MAPKBP1: variants seen among roughly 807,000 people sequenced by gnomAD.
MAPKBP1 encodes the protein mitogen-activated protein kinase-binding protein 1.
MAPKBP1 carries 71 observed loss-of-function variants against 170.5 expected under a neutral mutation model. The ratio of observed to expected loss-of-function variants is 0.42; its 90% CI spans 0.34 to 0.51. MAPKBP1 has a LOEUF of 0.51. Ranked by LOEUF, MAPKBP1 falls within the 20% of genes least tolerant of loss-of-function variation. The pLI is 0.06. For synonymous variants in MAPKBP1, 719 were observed against 757.9 expected (o/e 0.95, Z 0.84); for missense variants, 1,598 against 1,933.0 (o/e 0.83, Z 3.25).
chr15:41,774,795 C>G (rs1336910526), intron 1 of MAPKBP1, 185 bp downstream of exon 1: 3 of 399,372 alleles, frequency 7.5e-6, no homozygotes, highest in African/African-American at 6.2e-5. Flanking sequence ...TCCCCGCCGG[C>G]GCTAGCGCAG....
At chr15:41,811,818 T>C in intron 5 of MAPKBP1, 139 bp from the exon 6 acceptor site, 5 of 816,090 alleles carry the variant, frequency 6.1e-6, no homozygotes, top group Non-Finnish European at 1.0e-5. Context: ...ATTTCCTCTA[T>C]ACCCTGCCCT....
In MAPKBP1 at chr15:41,811,107, G is replaced by A. The variant is rs143043620; in HGVS notation, c.270-71G>A. 6.3e-3 allele frequency: 9,990 copies of A among 1,587,958 alleles called. 36 individuals carry two copies. The highest frequency in any genetic ancestry group is 7.5e-3 in the Non-Finnish European group (8,646 of 1,156,786). On this transcript the variant is annotated intron_variant, in intron 4 of 30. Transcript: ENST00000457542. ...TTGGTGTCTGCTGGTCTCACCTTTT[G>A]AGAGGCTGGGAGGGGGCTAGGCTTA...
intron 9 of MAPKBP1, among the ~76,000 whole-genome samples, chr15:41,814,141 A>G (rs1250425304): frequency 6.6e-6 from 1 of 152,210 alleles, no homozygotes; most frequent in Non-Finnish European, 1.5e-5. Context: ...AGGTGAAGGA[A>G]AGGTATGGGG....
chr15:41,780,980 T>G (rs1031478680), intron 2 of MAPKBP1, among the ~76,000 whole-genome samples: 2 of 152,188 alleles, frequency 1.3e-5, no homozygotes, highest in Non-Finnish European at 2.9e-5. Context: ...AGAATGAGTT[T>G]ACAGTATGGA....
In MAPKBP1 at chr15:41,816,912, C is replaced by A; in HGVS notation, c.1588C>A (p.Leu530Met). ...CLEYSKPDTGLKLLASASRDR... is the reference protein window; with the variant it reads ...CLEYSKPDTGMKLLASASRDR... ...TGATGGAGTTCTTTCATCCCCAGGT[C>A]TGAAACTGCTAGCATCGGCGAGCCG... The change falls in exon 14 of 31, where the codon CTG (leucine) becomes ATG (methionine). Residue 530 changes from leucine to methionine, a missense_variant and splice_region_variant. Physicochemically the swap from Leu to Met is conservative, Grantham distance 15. Around this residue, in one of 6 missense-constraint regions of MAPKBP1, gnomAD observed 430 missense variants for 617.2 expected, o/e 0.70. Transcript: ENST00000457542. 1 of 1,605,634 alleles carries A rather than the reference C, an allele frequency of 6.2e-7. No homozygotes were observed. Among genetic ancestry groups the A allele is most frequent in the Non-Finnish European group, 8.5e-7 (1 of 1,174,888 alleles).
At position 41,823,120 on chromosome 15, in the gene MAPKBP1, C is replaced by T. The variant is rs139703191; in HGVS notation, c.3496C>T (p.Arg1166Cys). The stretch of plus-strand genomic sequence containing the variant: ...AGCCTCTGTGCTGTTGCCACGATGC[C>T]GTCTCAACCCTGACAGCAGCTGGGC... ...QAASVLLPRC[R>C]LNPDSSWAPK... The change falls in exon 28 of 31, where the codon CGT becomes TGT. Residue 1166 changes from arginine to cysteine, a missense_variant. Physicochemically the swap from Arg to Cys is radical, Grantham distance 180. This residue lies in a region of MAPKBP1 where 942 missense variants were observed against 953.2 expected (regional missense o/e 0.99). Coordinates refer to ENST00000457542, the MANE Select transcript of MAPKBP1 (RefSeq NM_014994.3). 19 of 1,613,742 alleles carry T rather than the reference C, an allele frequency of 1.2e-5. No homozygotes were observed. The highest frequency in any genetic ancestry group is 1.6e-4 in the Middle Eastern group (1 of 6,062).
rs2064559720 is a variant in MAPKBP1 at position 41,799,893 on chromosome 15, G to T, written c.185G>T (p.Gly62Val). 1 of 1,614,038 alleles carries T rather than the reference G, an allele frequency of 6.2e-7. No homozygotes were observed. The highest frequency in any genetic ancestry group is 8.5e-7 in the Non-Finnish European group (1 of 1,180,020). ...GRGLACDPRS[G>V]LVAYPAGCVV... ...GGACTTGCCTGTGACCCCCGATCAG[G>T]TTTAGTTGCTTACCCAGCAGGGTAA... is the stretch of plus-strand genomic sequence containing the variant. The change falls in exon 3 of 31, where the codon GGT becomes GTT. Residue 62 changes from glycine (G) to valine (V), a missense_variant. Gly to Val is a moderately radical substitution (Grantham distance 109). Transcript: ENST00000457542.
intron 2 of MAPKBP1, among the ~76,000 whole-genome samples, chr15:41,790,370 T>C (rs998829572): frequency 1.1e-4 from 17 of 152,216 alleles, no homozygotes; most frequent in African/African-American, 3.9e-4. Flanking sequence ...AATCTTGCAG[T>C]CAGGGGAAGT....
chr15:41,813,994 T>C (rs1481566482), intron 9 of MAPKBP1, among the ~76,000 whole-genome samples: 1 of 152,096 alleles, frequency 6.6e-6, no homozygotes, highest in Non-Finnish European at 1.5e-5. Flanking sequence ...AGTAAGTGGG[T>C]GTTAGGAGGG....
chr15:41,778,883 T>G (rs1293759723), intron 2 of MAPKBP1, among the ~76,000 whole-genome samples: 1 of 152,226 alleles, frequency 6.6e-6, no homozygotes, highest in Non-Finnish European at 1.5e-5. Flanking sequence ...TTGCTAGATT[T>G]TTAAAAAGTA....
At position 41,817,107 on chromosome 15, in the gene MAPKBP1, G is replaced by A; in HGVS notation, c.1711+72G>A. ...TGCCATCTGCCTCCCACCTCCATGAGAAGGGTCTGCCCATTGTGGGGGAGT... is the reference window on the plus strand; with the variant it reads ...TGCCATCTGCCTCCCACCTCCATGAAAAGGGTCTGCCCATTGTGGGGGAGT... On this transcript the variant is annotated intron_variant, in intron 14 of 30. Transcript: ENST00000457542. The surrounding 1 kb of genome is among the most constrained non-coding windows in gnomAD (Gnocchi z 4.2). The A allele has an allele frequency of 6.5e-7, 1 of 1,529,106 alleles. No individual in the cohort carries two copies. Among genetic ancestry groups the A allele is most frequent in the Non-Finnish European group, 8.8e-7 (1 of 1,136,064 alleles). The allele number at this position is 1,529,106 out of a possible 1,614,324, so 94.7% of individuals were successfully genotyped here.
chr15:41,818,615 T>A lies in MAPKBP1; in HGVS notation c.2156+33T>A. 1 of 1,586,998 alleles carries A rather than the reference T, an allele frequency of 6.3e-7. No individual in the cohort carries two copies. Among genetic ancestry groups the A allele is most frequent in the South Asian group, 1.1e-5 (1 of 88,966 alleles). The stretch of plus-strand genomic sequence containing the variant: ...GAAGCCAGCTTCCCTGAGAGGCAGA[T>A]TCTTACTCTGCCACAGCACCCTGCC... On this transcript the variant is annotated intron_variant, in intron 19 of 30. Coordinates refer to ENST00000457542, the MANE Select transcript of MAPKBP1 (RefSeq NM_014994.3). This position sits in a 1 kb window ranked among gnomAD's most constrained non-coding sequence, Gnocchi z 5.2.
intron 2 of MAPKBP1, among the ~76,000 whole-genome samples, chr15:41,786,640 C>T (rs539898488): frequency 6.7e-6 from 1 of 149,642 alleles, no homozygotes; most frequent in Non-Finnish European, 1.5e-5. Context: ...TGGCGGGTGC[C>T]CGTAGTCCCA....
intron 3 of MAPKBP1, among the ~76,000 whole-genome samples, chr15:41,805,279 G>A (rs571512234): frequency 6.6e-6 from 1 of 152,326 alleles, no homozygotes; most frequent in South Asian, 2.1e-4. Context: ...CCCACGGGAA[G>A]CCCCCCTACT....
At position 41,822,072 on chromosome 15, in the gene MAPKBP1, G is replaced by A. The variant is rs761826266; in HGVS notation, c.2993G>A (p.Ser998Asn). The A allele has an allele frequency of 3.1e-6, 5 of 1,603,584 alleles. No homozygotes were observed. The highest frequency in any genetic ancestry group is 3.4e-5 in the Admixed American group (2 of 59,374). The stretch of plus-strand genomic sequence containing the variant: ...GACAGTGCCTGCTCTGTGGATTACA[G>A]CAGCAGCTGCCTTTCCAGCCCGGAG... ...SPDSACSVDY[S>N]SSCLSSPEHP... The change falls in exon 25 of 31, where the codon AGC (serine) becomes AAC (asparagine). Residue 998 changes from serine (S) to asparagine (N), a missense_variant. Ser to Asn is a conservative substitution (Grantham distance 46). Around this residue, in one of 6 missense-constraint regions of MAPKBP1, gnomAD observed 942 missense variants for 953.2 expected, o/e 0.99. Transcript: ENST00000457542.
At position 41,819,762 on chromosome 15, in the gene MAPKBP1, G is replaced by A; in HGVS notation, c.2481+112G>A. 6.3e-6 allele frequency: 7 copies of A among 1,103,496 alleles called. No individual in the cohort carries two copies. The South Asian group carries it at 8.7e-5, about 14-fold the overall frequency. The allele number at this position is 1,103,496 out of a possible 1,614,324, so 68.4% of individuals were successfully genotyped here. ...ACTGGGGCATGGGGTCTGCCCACAT[G>A]CTGCACTCGTGTGTCCAAGGAAGGC... On this transcript the variant is annotated intron_variant, in intron 22 of 30. Coordinates refer to ENST00000457542, the MANE Select transcript of MAPKBP1 (RefSeq NM_014994.3).
rs2064878423 is a variant in MAPKBP1, at chr15:41,815,665, C to T, written c.1359C>T (p.Ala453=). 6.2e-7 allele frequency: 1 copy of T among 1,614,060 alleles called. No individual in the cohort carries two copies. Among genetic ancestry groups the T allele is most frequent in the Non-Finnish European group, 8.5e-7 (1 of 1,179,972 alleles). Residue 453 remains alanine, a synonymous_variant, in exon 12 of 31, where the codon GCC becomes GCT. Coordinates refer to ENST00000457542, the MANE Select transcript of MAPKBP1 (RefSeq NM_014994.3). ...KIIYVDGNTQ[A]LLDTELPGGD... ...TCTATGTGGATGGGAACACCCAGGC[C>T]CTGCTGGACACAGAGCTGCCTGGAG... is the stretch of plus-strand genomic sequence containing the variant.
intron 10 of MAPKBP1, 134 bp from the exon 11 acceptor site, chr15:41,815,125 G>A: frequency 2.0e-6 from 2 of 1,006,972 alleles, no homozygotes; most frequent in East Asian, 2.4e-5. Flanking sequence ...TACCAGTTAT[G>A]TATGGCCTGT....
chr15:41,823,017 G>A lies in MAPKBP1; in HGVS notation c.3393G>A (p.Pro1131=), dbSNP rs144679619. 9.2e-5 allele frequency: 149 copies of A among 1,614,002 alleles called. No homozygotes were observed. Among genetic ancestry groups the A allele is most frequent in the South Asian group, 6.3e-4 (57 of 91,088 alleles). Residue 1131 remains proline, a synonymous_variant, in exon 28 of 31, where the codon CCG becomes CCA. Transcript: ENST00000457542. The part of the protein sequence containing the change: ...AQVPQASGEQ[P]RGNGANPPGA... ...TGCCACAGGCATCTGGTGAGCAGCC[G>A]AGAGGCAATGGTGCCAATCCCCCTG...
Sources: gnomAD v4.1 joint callset for allele counts (sites outside exome capture counted in the v4.1 genomes callset) on GRCh38, gnomAD v4.1.1 for gene constraint, gnomAD v4.1.1 regional missense constraint, Gnocchi (gnomAD v3.1) non-coding constraint, MANE v1.5 for transcripts, NCBI Gene and HGNC (gene_info 2026-07-23, HGNC 2026-07-21) for gene names.